PRDM2: variants seen among roughly 807,000 people sequenced by gnomAD.
PRDM2 encodes PR/SET domain 2.
A neutral mutation model predicts 130.0 loss-of-function variants in PRDM2; 30 were observed. The observed-to-expected ratio is 0.23, with a 90% CI of 0.17 to 0.31. The LOEUF is 0.31. Ranked by LOEUF, PRDM2 falls within the 10% of genes least tolerant of loss-of-function variation. PRDM2 has a pLI of 1.00. For synonymous variants in PRDM2, 871 were observed against 782.4 expected, an observed-to-expected ratio of 1.11 and a Z score of -1.89; for missense variants, 2,011 against 2,108.4, an observed-to-expected ratio of 0.95 and a Z score of 0.90.
Position 13,823,302 on chromosome 1 carries a change from C to A in PRDM2, c.*167C>A. On this transcript the variant is annotated 3_prime_UTR_variant, in exon 10 of 10. Coordinates refer to ENST00000311066, the MANE Select transcript of PRDM2 (RefSeq NM_001393986.1). ...GCATGTGTGCGTGCGTGTGTGTTCA[C>A]GTGTTCTCGTGCGGGCGCGTGAGTG... The A allele has an allele frequency of 1.6e-6, 2 of 1,239,486 alleles. No homozygotes were observed. The highest frequency in any genetic ancestry group is 2.3e-6 in the Non-Finnish European group (2 of 862,280). 76.8% of individuals were successfully genotyped at this position (1,239,486 alleles called of 1,614,324 possible). A position where few individuals can be genotyped will look rare whatever the true frequency, so the allele number is the denominator to read the frequency against.
At chr1:13,726,562 G>A (rs1468023117) in intron 2 of PRDM2, among the ~76,000 whole-genome samples, 1 of 152,212 alleles carries the variant, frequency 6.6e-6, no homozygotes, top group Non-Finnish European at 1.5e-5. Flanking sequence ...AGACGCTTTG[G>A]CGATTAATTG....
intron 8 of PRDM2, among the ~76,000 whole-genome samples, chr1:13,789,853 A>G (rs1644809855): frequency 6.6e-6 from 1 of 152,252 alleles, no homozygotes; most frequent in South Asian, 2.1e-4. Context: ...AAAATGGTTT[A>G]TCGTTCCCCG....
At chr1:13,756,858 G>A (rs541751753) in intron 6 of PRDM2, among the ~76,000 whole-genome samples, 1 of 152,256 alleles carries the variant, frequency 6.6e-6, no homozygotes, top group African/African-American at 2.4e-5. Flanking sequence ...ATAATCCTGC[G>A]AAGTTGAGAT....
At position 13,779,343 on chromosome 1, in the gene PRDM2, G is replaced by T; in HGVS notation, c.1548G>T (p.Arg516=). The change falls in exon 8 of 10, where the codon CGG becomes CGT. Residue 516 remains arginine, a synonymous_variant. Transcript: ENST00000311066. The surrounding 1 kb of genome is among the most constrained non-coding windows in gnomAD (Gnocchi z 4.9). The stretch of plus-strand genomic sequence containing the variant: ...GTCATCTGATTCCCAAAGGTGTACG[G>T]CGAAAAGGAGGCCTTGAAGAGCCCC... ...HERHLIPKGV[R]RKGGLEEPQP... 6.2e-7 allele frequency: 1 copy of T among 1,614,158 alleles called. No homozygotes were observed. Among genetic ancestry groups the T allele is most frequent in the South Asian group, 1.1e-5 (1 of 91,078 alleles).
At chr1:13,790,280 A>G (rs1644818489) in intron 8 of PRDM2, among the ~76,000 whole-genome samples, 1 of 152,228 alleles carries the variant, frequency 6.6e-6, no homozygotes, top group East Asian at 1.9e-4. Context: ...TAGGCCTCGC[A>G]GTGCTGCATG....
At chr1:13,708,625 C>T (rs1642279431) in intron 1 of PRDM2, among the ~76,000 whole-genome samples, 1 of 152,180 alleles carries the variant, frequency 6.6e-6, no homozygotes, top group South Asian at 2.1e-4. Context: ...TGTTCTAGGC[C>T]TCACTGAGGA....
intron 4 of PRDM2, among the ~76,000 whole-genome samples, chr1:13,733,937 A>C (rs768119995): frequency 6.6e-6 from 1 of 152,354 alleles, no homozygotes; most frequent in South Asian, 2.1e-4. Flanking sequence ...ATGGCTAGGA[A>C]GTGTGTGGAC....
intron 8 of PRDM2, 87 bp from the exon 9 acceptor site, chr1:13,816,340 A>G: frequency 6.6e-7 from 1 of 1,520,550 alleles, no homozygotes; most frequent in Non-Finnish European, 9.0e-7. Flanking sequence ...GGAAGTGGTG[A>G]CCAGCACTAA....
intron 5 of PRDM2, among the ~76,000 whole-genome samples, chr1:13,744,235 C>G (rs1319310435): frequency 6.6e-6 from 1 of 152,204 alleles, no homozygotes; most frequent in Non-Finnish European, 1.5e-5. Flanking sequence ...TGAAGCCAGA[C>G]TGCCTGGGTT....
In PRDM2 at chr1:13,781,577, A is replaced by T. The variant is rs749303622; in HGVS notation, c.3782A>T (p.Glu1261Val). 2 of 1,612,580 alleles carry T rather than the reference A, an allele frequency of 1.2e-6. No homozygotes were observed. The change falls in exon 8 of 10, where the codon GAG (glutamate) becomes GTG (valine). Residue 1261 changes from glutamate (E) to valine (V), a missense_variant. By Grantham distance (121) the Glu-to-Val change is moderately radical. Coordinates refer to ENST00000311066, the MANE Select transcript of PRDM2 (RefSeq NM_001393986.1). The surrounding 1 kb of genome is among the most constrained non-coding windows in gnomAD (Gnocchi z 6.1). ...DPLETSKEEE[E>V]LNDSSEELYT... ...TTAGAAACTTCTAAAGAAGAAGAGG[A>T]GTTAAATGATTCCTCTGAAGAGCTT...
At chr1:13,721,549 A>G (rs937542101) in intron 2 of PRDM2, among the ~76,000 whole-genome samples, 4 of 152,204 alleles carry the variant, frequency 2.6e-5, no homozygotes, top group Admixed American at 2.6e-4. Flanking sequence ...TGTTGAATGA[A>G]TAGTGGTAGC....
chr1:13,762,771 A>C (rs1644132103), intron 6 of PRDM2, among the ~76,000 whole-genome samples: 1 of 152,138 alleles, frequency 6.6e-6, no homozygotes, highest in African/African-American at 2.4e-5. Context: ...CGCGCTCCTC[A>C]GGCTTCCCGG....
intron 6 of PRDM2, among the ~76,000 whole-genome samples, chr1:13,753,044 A>G (rs1191734557): frequency 2.0e-5 from 3 of 152,126 alleles, no homozygotes; most frequent in Non-Finnish European, 4.4e-5. Context: ...TCATTTAATC[A>G]ATGGGGATTT....
intron 6 of PRDM2, among the ~76,000 whole-genome samples, chr1:13,761,606 G>A (rs986410708): frequency 2.6e-5 from 4 of 152,124 alleles, no homozygotes; most frequent in Non-Finnish European, 4.4e-5. Flanking sequence ...GACCCCCAGT[G>A]TTGTCTACCA....
At chr1:13,733,459 C>T (rs1643171028) in intron 4 of PRDM2, among the ~76,000 whole-genome samples, 1 of 152,218 alleles carries the variant, frequency 6.6e-6, no homozygotes, top group Admixed American at 6.5e-5. Flanking sequence ...CTGAGCTCTC[C>T]TTCCCTGGGG....
At chr1:13,760,917 AT>A (rs1445764827) in intron 6 of PRDM2, among the ~76,000 whole-genome samples, 1 of 152,006 alleles carries the variant, frequency 6.6e-6, no homozygotes. Flanking sequence ...AAATCCATAT[AT>A]TTTCCTTTTG....
chr1:13,800,472 C>T (rs867083025), intron 8 of PRDM2, among the ~76,000 whole-genome samples: 27 of 151,974 alleles, frequency 1.8e-4, no homozygotes, highest in African/African-American at 5.1e-4. Flanking sequence ...CCATAGGGAG[C>T]GAAATCATTG....
chr1:13,822,618 T>G (rs1645371048), intron 9 of PRDM2, among the ~76,000 whole-genome samples: 1 of 151,982 alleles, frequency 6.6e-6, no homozygotes, highest in African/African-American at 2.4e-5. Flanking sequence ...GGTCTCAATC[T>G]CCTGACCTGG....
chr1:13,749,655 C>G (rs1455955472), intron 6 of PRDM2, among the ~76,000 whole-genome samples, 168 bp downstream of exon 6: 2 of 151,396 alleles, frequency 1.3e-5, no homozygotes, highest in East Asian at 1.9e-4. Context: ...GCCCCGGCCC[C>G]GCTCCCGCCC....
Sources: gnomAD v4.1 joint callset for allele counts (sites outside exome capture counted in the v4.1 genomes callset) on GRCh38, gnomAD v4.1.1 for gene constraint, Gnocchi (gnomAD v3.1) non-coding constraint, MANE v1.5 for transcripts, NCBI Gene and HGNC (gene_info 2026-07-23, HGNC 2026-07-21) for gene names.